DECR1: variants seen among roughly 807,000 people sequenced by gnomAD.
The protein encoded by DECR1 is 2,4-dienoyl-CoA reductase [(3E)-enoyl-CoA-producing], mitochondrial.
In DECR1, 44 loss-of-function variants were observed where a neutral mutation model predicts 38.8. The observed-to-expected ratio is 1.13, with a 90% CI of 0.89 to 1.46. The LOEUF (loss-of-function observed/expected upper bound fraction) is 1.46, where lower values mean the gene tolerates loss of function less well. Among genes scored for constraint, DECR1 ranks in the 40% most tolerant of loss-of-function variants. The probability of loss-of-function intolerance (pLI) is 0.00; values close to 1 mark genes in which losing one functional copy is unlikely to be tolerated. For synonymous variants in DECR1, 148 were observed against 135.2 expected, an observed-to-expected ratio of 1.09 and a Z score of -0.66; for missense variants, 428 against 405.5, an observed-to-expected ratio of 1.06 and a Z score of -0.48.
At chr8:90,044,018 G>T (rs1378134918) in intron 7 of DECR1, among the ~76,000 whole-genome samples, 1 of 152,196 alleles carries the variant, frequency 6.6e-6, no homozygotes, top group East Asian at 1.9e-4. Context: ...GGAGTTTACA[G>T]TCTAGCCACT....
rs74378230 is a variant in DECR1 at position 90,031,136 on chromosome 8, A to G, written c.566-5705A>G. Among the ~76,000 whole-genome samples the G allele has an allele frequency of 2.4e-3, 372 of 152,274 alleles. 1 individual carries two copies. Among genetic ancestry groups the G allele is most frequent in the Middle Eastern group, 6.8e-3 (2 of 294 alleles). ...CAAGTTCCAATCCTGGTTAATACTT[A>G]TTAGTCCTATCAACTTGGACAGATT... On this transcript the variant is annotated intron_variant, in intron 5 of 9. Coordinates refer to ENST00000220764, the MANE Select transcript of DECR1 (RefSeq NM_001359.2).
At chr8:90,012,744 A>G (rs1388119513) in intron 1 of DECR1, among the ~76,000 whole-genome samples, 5 of 152,188 alleles carry the variant, frequency 3.3e-5, no homozygotes. Flanking sequence ...GCATCCTGAT[A>G]TGTTGAAATG....
rs900249087 is a variant in DECR1, at chr8:90,005,973, A to C, written c.69+4412A>C. On this transcript the variant is annotated intron_variant, in intron 1 of 9. Transcript: ENST00000220764. ...AAGTGAGAGGGTGTTGGGAGGTGCC[A>C]GGTTCTTTCACAACCTGCTTTAGTG... 6 of 522,488 alleles carry C rather than the reference A, an allele frequency of 1.1e-5. No individual in the cohort carries two copies. In the Admixed American group the frequency reaches 1.6e-4, roughly 14 times the overall value. The allele number at this position is 522,488 out of a possible 1,614,324, so 32.4% of individuals were successfully genotyped here. A position where few individuals can be genotyped will look rare whatever the true frequency, so the allele number is the denominator to read the frequency against.
intron 1 of DECR1, chr8:90,006,247 G>C (rs920606602): frequency 1.4e-6 from 1 of 704,118 alleles, no homozygotes; most frequent in Non-Finnish European, 2.6e-6. Context: ...TGTCAGGACT[G>C]GGGAAGAAGC....
At chr8:90,043,928 C>T (rs930927033) in intron 7 of DECR1, among the ~76,000 whole-genome samples, 1 of 152,138 alleles carries the variant, frequency 6.6e-6, no homozygotes, top group African/African-American at 2.4e-5. Context: ...TTTATTTAAC[C>T]TATATTTATT....
intron 5 of DECR1, among the ~76,000 whole-genome samples, chr8:90,035,301 TCCTC>T (rs1813593442): frequency 1.3e-5 from 2 of 152,150 alleles, no homozygotes; most frequent in Admixed American, 1.3e-4. Context: ...TGCTTTTTCT[TCCTC>T]TGTGACTCTA....
chr8:90,026,360 T>C (rs980599365), intron 5 of DECR1, among the ~76,000 whole-genome samples: 1 of 152,208 alleles, frequency 6.6e-6, no homozygotes, highest in East Asian at 1.9e-4. Flanking sequence ...TCCTGGACTT[T>C]TTTTGGTTGG....
At chr8:90,044,101 T>A (rs1813828216) in intron 7 of DECR1, among the ~76,000 whole-genome samples, 1 of 152,062 alleles carries the variant, frequency 6.6e-6, no homozygotes, top group Non-Finnish European at 1.5e-5. Context: ...GTGTAGAAAC[T>A]CCCTAGCATG....
At chr8:90,045,542 G>A (rs887612191) in intron 8 of DECR1, among the ~76,000 whole-genome samples, 15 of 152,186 alleles carry the variant, frequency 9.9e-5, no homozygotes, top group Non-Finnish European at 1.8e-4. Context: ...AGCTCAAACT[G>A]GGTGGAGCCC....
intron 5 of DECR1, among the ~76,000 whole-genome samples, chr8:90,024,948 A>G (rs1813290704): frequency 6.6e-6 from 1 of 152,228 alleles, no homozygotes; most frequent in Non-Finnish European, 1.5e-5. Flanking sequence ...ATGGCTAGCC[A>G]GTTTTCCCAG....
intron 8 of DECR1, among the ~76,000 whole-genome samples, chr8:90,049,670 A>C (rs1346184865): frequency 6.6e-6 from 1 of 152,220 alleles, no homozygotes; most frequent in Non-Finnish European, 1.5e-5. Context: ...GAATTGGAAA[A>C]AACTACTTTT....
chr8:90,038,705 A>G (rs760645499), intron 6 of DECR1, among the ~76,000 whole-genome samples: 8 of 152,160 alleles, frequency 5.3e-5, no homozygotes, highest in African/African-American at 9.7e-5. Context: ...GGACCAGAAG[A>G]GTCTGGTCCG....
chr8:90,035,500 A>AT (rs1159372362), intron 5 of DECR1, among the ~76,000 whole-genome samples: 8 of 150,520 alleles, frequency 5.3e-5, no homozygotes. Context: ...CAGATGCTGT[A>AT]TTTTTCTGCT....
At chr8:90,007,071 A>G (rs930818240) in intron 1 of DECR1, among the ~76,000 whole-genome samples, 1 of 152,216 alleles carries the variant, frequency 6.6e-6, no homozygotes, top group Non-Finnish European at 1.5e-5. Context: ...TGGGAGTGTT[A>G]GGGAAAGCAC....
At chr8:90,014,638 AT>A (rs956107660) in intron 1 of DECR1, among the ~76,000 whole-genome samples, 3 of 152,202 alleles carry the variant, frequency 2.0e-5, no homozygotes, top group African/African-American at 7.2e-5. Context: ...GGTTGAGGAA[AT>A]GTTTTAAAAT....
intron 1 of DECR1, 97 bp downstream of exon 1, chr8:90,001,658 G>C: frequency 1.7e-6 from 2 of 1,152,956 alleles, no homozygotes; most frequent in Non-Finnish European, 2.5e-6. Flanking sequence ...CGAGGACAAG[G>C]CATCCTGGGG....
At chr8:90,005,332 T>C (rs1812712377) in intron 1 of DECR1, 1 of 456,198 alleles carries the variant, frequency 2.2e-6, no homozygotes, top group Non-Finnish European at 4.4e-6. Flanking sequence ...AAGAGCTGAT[T>C]CCTGCTGTCA....
chr8:90,008,038 G>A (rs992627499), intron 1 of DECR1, among the ~76,000 whole-genome samples: 2 of 152,218 alleles, frequency 1.3e-5, no homozygotes, highest in African/African-American at 4.8e-5. Context: ...ATGAAATGAT[G>A]TTGCCATTTA....
At chr8:90,021,128 A>T in intron 5 of DECR1, 72 bp downstream of exon 5, 1 of 1,267,084 alleles carries the variant, frequency 7.9e-7, no homozygotes, top group South Asian at 1.8e-5. Flanking sequence ...GCTCTGTGAT[A>T]CTTTAAAAGT....
Sources: gnomAD v4.1 joint callset for allele counts (sites outside exome capture counted in the v4.1 genomes callset) on GRCh38, gnomAD v4.1.1 for gene constraint, MANE v1.5 for transcripts, NCBI Gene and HGNC (gene_info 2026-07-23, HGNC 2026-07-21) for gene names.